The following RBFOX1 variants were observed in gnomAD, a reference collection of about 807,000 sequenced individuals.
RBFOX1 encodes the protein RNA binding protein fox-1 homolog 1.
RBFOX1 carries 8 observed loss-of-function variants against 57.7 expected under a neutral mutation model. The observed-to-expected ratio is 0.14, with a 90% confidence interval of 0.08 to 0.25. The LOEUF (loss-of-function observed/expected upper bound fraction) is 0.25, where lower values mean the gene tolerates loss of function less well. Among genes scored for constraint, RBFOX1 ranks in the 10% least tolerant of loss-of-function variants. The pLI is 1.00. For synonymous variants in RBFOX1, 326 were observed against 222.4 expected, an observed-to-expected ratio of 1.47 and a Z score of -4.15; for missense variants, 611 against 548.5, an observed-to-expected ratio of 1.11 and a Z score of -1.14.
chr16:6,876,966 T>C (rs1403443994), intron 3 of RBFOX1, among the ~76,000 whole-genome samples: 1 of 152,180 alleles, frequency 6.6e-6, no homozygotes, highest in African/African-American at 2.4e-5. Context: ...GAATAATTTG[T>C]AGAATAATGA....
chr16:6,587,990 G>C (rs1385124129), intron 2 of RBFOX1, among the ~76,000 whole-genome samples: 1 of 152,160 alleles, frequency 6.6e-6, no homozygotes, highest in Non-Finnish European at 1.5e-5. Flanking sequence ...AGCACTTTGG[G>C]AGGCCGAGGA....
rs138883908 is a variant in RBFOX1 at position 5,324,072 on chromosome 16, T to C, written c.219+83967T>C. 6.7e-4 allele frequency among the ~76,000 whole-genome samples: 102 copies of C among 152,368 alleles called. No homozygotes were observed. The East Asian group carries it at 0.016, about 24-fold the overall frequency. Reference sequence around the variant, plus strand: ...GTGTTGTGTCTCTTTGCAAAGTGTTTGCCAGTGCTTCTGCCCAGCACCTGC... The same window carrying C: ...GTGTTGTGTCTCTTTGCAAAGTGTTCGCCAGTGCTTCTGCCCAGCACCTGC... On this transcript the variant is annotated intron_variant, in intron 1 of 2. Transcript: ENST00000585867.
chr16:5,809,148 C>T (rs1263104565), intron 3 of RBFOX1, among the ~76,000 whole-genome samples: 1 of 152,188 alleles, frequency 6.6e-6, no homozygotes, highest in Non-Finnish European at 1.5e-5. Flanking sequence ...GGATCCCTTC[C>T]TTACACCTTA....
chr16:7,138,466 C>T (rs1050660015), intron 4 of RBFOX1, among the ~76,000 whole-genome samples: 1 of 152,094 alleles, frequency 6.6e-6, no homozygotes, highest in African/African-American at 2.4e-5. Flanking sequence ...CCAGACCCAA[C>T]CAGGACAAAG....
intron 1 of RBFOX1, among the ~76,000 whole-genome samples, chr16:6,061,069 A>G (rs887428952): frequency 1.5e-4 from 23 of 152,250 alleles, no homozygotes; most frequent in Middle Eastern, 3.4e-3. Flanking sequence ...GCATTCATTT[A>G]CACTTACTGA....
chr16:6,403,048 T>C (rs975791059), intron 2 of RBFOX1, among the ~76,000 whole-genome samples: 1 of 152,184 alleles, frequency 6.6e-6, no homozygotes, highest in Non-Finnish European at 1.5e-5. Flanking sequence ...GTTAGAGGCT[T>C]GGGTGCTGAG....
chr16:7,159,041 C>T (rs1193508511), intron 4 of RBFOX1, among the ~76,000 whole-genome samples: 1 of 151,954 alleles, frequency 6.6e-6, no homozygotes, highest in African/African-American at 2.4e-5. Context: ...TCCCTACCTG[C>T]TGGCAACCAC....
chr16:6,403,772 G>A (rs757695930), intron 2 of RBFOX1, among the ~76,000 whole-genome samples: 1 of 152,264 alleles, frequency 6.6e-6, no homozygotes, highest in South Asian at 2.1e-4. Context: ...ATTGACTCAA[G>A]TGTGTCCCTC....
chr16:6,253,255 A>G (rs2097635594), intron 1 of RBFOX1, among the ~76,000 whole-genome samples: 2 of 152,160 alleles, frequency 1.3e-5, no homozygotes, highest in South Asian at 4.1e-4. Flanking sequence ...AGTCTGATTG[A>G]CTTTCACCTA....
chr16:6,861,487 T>G (rs200952610), intron 3 of RBFOX1, among the ~76,000 whole-genome samples: 2 of 133,892 alleles, frequency 1.5e-5, no homozygotes, highest in East Asian at 2.4e-4. Context: ...CCCAACCCCC[T>G]CCCCCCCCGA....
chr16:6,362,593 G>C (rs1221631568), intron 2 of RBFOX1, among the ~76,000 whole-genome samples: 1 of 152,158 alleles, frequency 6.6e-6, no homozygotes, highest in African/African-American at 2.4e-5. Flanking sequence ...GTGCAAATTA[G>C]ATTAGGTTAA....
Position 7,644,578 on chromosome 16 carries a change from T to G in RBFOX1, c.758-9237T>G, listed in dbSNP as rs79208624. Among the ~76,000 whole-genome samples, 3 of 152,176 alleles carry G rather than the reference T, an allele frequency of 2.0e-5. No individual in the cohort carries two copies. The East Asian group carries it at 5.8e-4, about 29-fold the overall frequency. On this transcript the variant is annotated intron_variant, in intron 11 of 15. Coordinates refer to ENST00000550418, the MANE Select transcript of RBFOX1 (RefSeq NM_018723.4). ...TTTGAGGATTGCCACCCATTTTCTT[T>G]CGTAACTGTAGGACTATGGCATTCC...
At chr16:7,465,157 C>G (rs2060276556) in intron 4 of RBFOX1, among the ~76,000 whole-genome samples, 1 of 152,152 alleles carries the variant, frequency 6.6e-6, no homozygotes, top group Non-Finnish European at 1.5e-5. Context: ...TTACTTTTTC[C>G]ACCTAGAATC....
chr16:7,631,053 A>T (rs746486138), intron 11 of RBFOX1, among the ~76,000 whole-genome samples: 1 of 152,194 alleles, frequency 6.6e-6, no homozygotes, highest in Non-Finnish European at 1.5e-5. Flanking sequence ...GCCTAGTAAA[A>T]GATGCTTAAC....
chr16:7,013,375 A>G (rs1329730946), intron 3 of RBFOX1, among the ~76,000 whole-genome samples: 1 of 152,168 alleles, frequency 6.6e-6, no homozygotes, highest in African/African-American at 2.4e-5. Flanking sequence ...TGAAGGAAAA[A>G]TTGCCCACTT....
intron 4 of RBFOX1, among the ~76,000 whole-genome samples, chr16:7,121,117 C>T (rs937634783): frequency 1.8e-4 from 28 of 151,972 alleles, no homozygotes; most frequent in African/African-American, 6.8e-4. Flanking sequence ...CCTTCTGCAA[C>T]CTGGTAGAGG....
chr16:5,511,464 G>T (rs542255675), intron 2 of RBFOX1, among the ~76,000 whole-genome samples: 4 of 152,074 alleles, frequency 2.6e-5, no homozygotes, highest in Admixed American at 6.5e-5. Flanking sequence ...TCAGATAATA[G>T]CTATTGTTTA....
chr16:7,523,023 G>A lies in RBFOX1; in HGVS notation c.270+4634G>A, dbSNP rs549058334. ...CTTGCCTCATCCCCAGGGAACCAGTGGGTCTGCTTCTTTTGCTATAGCTTA... is the reference window on the plus strand; with the variant it reads ...CTTGCCTCATCCCCAGGGAACCAGTAGGTCTGCTTCTTTTGCTATAGCTTA... On this transcript the variant is annotated intron_variant, in intron 5 of 15. Coordinates refer to ENST00000550418, the MANE Select transcript of RBFOX1 (RefSeq NM_018723.4). 2.0e-4 allele frequency among the ~76,000 whole-genome samples: 31 copies of A among 152,198 alleles called. 1 individual carries two copies. The South Asian group carries it at 6.0e-3, about 30-fold the overall frequency.
chr16:5,998,273 C>A (rs903318282), intron 4 of RBFOX1, among the ~76,000 whole-genome samples: 1 of 152,194 alleles, frequency 6.6e-6, no homozygotes, highest in African/African-American at 2.4e-5. Context: ...CTTTGATAGT[C>A]TCTGATATTC....
Sources: gnomAD v4.1 joint callset for allele counts (sites outside exome capture counted in the v4.1 genomes callset) on GRCh38, gnomAD v4.1.1 for gene constraint, MANE v1.5 for transcripts, NCBI Gene and HGNC (gene_info 2026-07-23, HGNC 2026-07-21) for gene names.